The following KIF15 variants were observed in gnomAD, a reference collection of about 807,000 sequenced individuals.
KIF15 encodes the protein kinesin family member 15, also known as kinesin-like protein KIF15.
A neutral mutation model predicts 190.6 loss-of-function variants in KIF15; 140 were observed. That is an observed-to-expected ratio of 0.73 (90% CI 0.64 to 0.84). The LOEUF is 0.84. KIF15 is among the 40% of genes least tolerant of loss of function. The pLI is 0.00. For synonymous variants in KIF15, 528 were observed against 551.3 expected, an observed-to-expected ratio of 0.96 and a Z score of 0.59; for missense variants, 1,372 against 1,584.4, an observed-to-expected ratio of 0.87 and a Z score of 2.28.
intron 20 of KIF15, among the ~76,000 whole-genome samples, chr3:44,817,878 G>A (rs561850690): frequency 1.3e-5 from 2 of 152,154 alleles, no homozygotes; most frequent in Non-Finnish European, 2.9e-5. Flanking sequence ...CCATGAGCAT[G>A]GAATGTTCTT....
At chr3:44,771,880 G>A (rs1221787997) in intron 1 of KIF15, among the ~76,000 whole-genome samples, 1 of 152,024 alleles carries the variant, frequency 6.6e-6, no homozygotes, top group Non-Finnish European at 1.5e-5. Flanking sequence ...TACACATTTA[G>A]CTTTATCTTA....
chr3:44,865,415 G>A (rs534499420), intron 6 of KIF15: 2 of 528,402 alleles, frequency 3.8e-6, no homozygotes, highest in East Asian at 6.0e-5. Flanking sequence ...TTCCTCCCAG[G>A]CCTACCCCAG....
intron 18 of KIF15, among the ~76,000 whole-genome samples, 192 bp from the exon 19 acceptor site, chr3:44,812,883 G>T (rs1313127989): frequency 3.9e-5 from 6 of 152,054 alleles, no homozygotes; most frequent in African/African-American, 1.4e-4. Flanking sequence ...TACTCAGGAG[G>T]CTGAGGCAGG....
intron 26 of KIF15, among the ~76,000 whole-genome samples, chr3:44,837,382 G>A (rs1698372980): frequency 6.6e-6 from 1 of 152,158 alleles, no homozygotes; most frequent in Non-Finnish European, 1.5e-5. Context: ...ATACAAGAAT[G>A]AAGTGCATAG....
At chr3:44,810,260 A>T (rs1707728171) in intron 16 of KIF15, among the ~76,000 whole-genome samples, 1 of 151,616 alleles carries the variant, frequency 6.6e-6, no homozygotes, top group Non-Finnish European at 1.5e-5. Flanking sequence ...TTTTATTTTT[A>T]TTTTTTTGAG....
At chr3:44,843,499 T>C (rs915334934) in intron 30 of KIF15, among the ~76,000 whole-genome samples, 2 of 152,236 alleles carry the variant, frequency 1.3e-5, no homozygotes, top group Non-Finnish European at 2.9e-5. Context: ...AAATTACTTA[T>C]ATTTAAAAAA....
At chr3:44,799,512 C>CT (rs545353929) in intron 10 of KIF15, among the ~76,000 whole-genome samples, 66 of 151,714 alleles carry the variant, frequency 4.4e-4, no homozygotes, top group Middle Eastern at 3.4e-3. Context: ...CGTTATCACC[C>CT]TTTAGGCTTT....
At chr3:44,864,037 A>T in intron 6 of KIF15, 2 of 730,838 alleles carry the variant, frequency 2.7e-6, no homozygotes, top group Non-Finnish European at 4.5e-6. Context: ...ACTGAGGGTT[A>T]AGTGAAGCCC....
At chr3:44,768,118 C>CAA (rs1420304772) in intron 1 of KIF15, among the ~76,000 whole-genome samples, 1 of 151,312 alleles carries the variant, frequency 6.6e-6, no homozygotes, top group South Asian at 2.1e-4. Context: ...TACTAAAATA[C>CAA]AAAAAATTAG....
At chr3:44,823,449 G>A (rs2125683212) in intron 20 of KIF15, among the ~76,000 whole-genome samples, 1 of 152,328 alleles carries the variant, frequency 6.6e-6, no homozygotes, top group Non-Finnish European at 1.5e-5. Flanking sequence ...GTTTATCCCA[G>A]TTAGGCTACA....
At chr3:44,799,149 T>C (rs1426594245) in intron 10 of KIF15, 4 of 410,066 alleles carry the variant, frequency 9.8e-6, no homozygotes, top group African/African-American at 8.4e-5. Flanking sequence ...ATTAGAATTA[T>C]GAAGTCACTG....
intron 22 of KIF15, 87 bp from the exon 23 acceptor site, chr3:44,827,372 T>C (rs1474772035): frequency 1.1e-6 from 1 of 923,414 alleles, no homozygotes; most frequent in East Asian, 2.5e-5. Context: ...CAAAGTTCAT[T>C]TGCACTTAAT....
chr3:44,794,945 G>A (rs1370272734), intron 8 of KIF15, among the ~76,000 whole-genome samples: 1 of 152,144 alleles, frequency 6.6e-6, no homozygotes, highest in African/African-American at 2.4e-5. Flanking sequence ...CTGGGTGACA[G>A]AGAGAGACTC....
intron 5 of KIF15, 44 bp from the exon 6 acceptor site, chr3:44,784,801 T>C: frequency 9.6e-7 from 1 of 1,041,726 alleles, no homozygotes; most frequent in Non-Finnish European, 1.4e-6. Flanking sequence ...GAAAGACTCT[T>C]GGAATAGAAT....
intron 4 of KIF15, 90 bp downstream of exon 4, chr3:44,778,281 T>A: frequency 1.0e-6 from 1 of 981,434 alleles, no homozygotes; most frequent in Non-Finnish European, 1.7e-6. Context: ...CGTAGTGGCT[T>A]AAAACAACAC....
At chr3:44,813,448 C>T (rs1707886519) in intron 19 of KIF15, among the ~76,000 whole-genome samples, 2 of 152,128 alleles carry the variant, frequency 1.3e-5, no homozygotes, top group South Asian at 2.1e-4. Flanking sequence ...CACAGACTCT[C>T]GCTTTGTCAC....
intron 18 of KIF15, among the ~76,000 whole-genome samples, 166 bp from the exon 19 acceptor site, chr3:44,812,909 C>T (rs1707854141): frequency 1.3e-5 from 2 of 151,810 alleles, no homozygotes; most frequent in African/African-American, 2.4e-5. Flanking sequence ...CACTTGAACC[C>T]AGGAGGCGGA....
intron 28 of KIF15, among the ~76,000 whole-genome samples, chr3:44,840,759 C>G (rs1314097406): frequency 6.7e-6 from 1 of 148,564 alleles, no homozygotes; most frequent in Non-Finnish European, 1.5e-5. Flanking sequence ...GCCTCCGTCT[C>G]CCAGGTTCAA....
intron 7 of KIF15, among the ~76,000 whole-genome samples, chr3:44,789,725 A>G (rs1706594306): frequency 6.8e-6 from 1 of 147,106 alleles, no homozygotes; most frequent in Admixed American, 6.8e-5. Context: ...AAACACAACA[A>G]GTCCTCACTT....
Sources: gnomAD v4.1 joint callset for allele counts (sites outside exome capture counted in the v4.1 genomes callset) on GRCh38, gnomAD v4.1.1 for gene constraint, MANE v1.5 for transcripts, NCBI Gene and HGNC (gene_info 2026-07-23, HGNC 2026-07-21) for gene names.